The following AGBL1 variants were observed in gnomAD, a reference collection of about 807,000 sequenced individuals.
The protein encoded by AGBL1 is cytosolic carboxypeptidase 4.
A neutral mutation model predicts 118.9 loss-of-function variants in AGBL1; 130 were observed. The ratio of observed to expected loss-of-function variants is 1.09; its 90% confidence interval spans 0.95 to 1.26. AGBL1 has a LOEUF of 1.26. AGBL1 is among the 50% of genes most tolerant of loss of function. The pLI, the probability that AGBL1 is intolerant of heterozygous loss-of-function variation, is 0.00. For synonymous variants in AGBL1, 555 were observed against 478.9 expected (o/e 1.16, Z -2.08); for missense variants, 1,584 against 1,298.1 (o/e 1.22, Z -3.38).
At chr15:86,437,008 T>A (rs1436633615) in intron 18 of AGBL1, among the ~76,000 whole-genome samples, 4 of 152,136 alleles carry the variant, frequency 2.6e-5, no homozygotes, top group African/African-American at 4.8e-5. Context: ...CTTTGTTTTT[T>A]TTTTTTGCAT....
intron 22 of AGBL1, among the ~76,000 whole-genome samples, chr15:86,741,052 A>G (rs2077670456): frequency 6.6e-6 from 1 of 152,070 alleles, no homozygotes; most frequent in Non-Finnish European, 1.5e-5. Context: ...TGGCAGCTCC[A>G]GCCTCTGAAT....
chr15:86,161,437 G>T (rs923730851), intron 5 of AGBL1, among the ~76,000 whole-genome samples: 1 of 152,150 alleles, frequency 6.6e-6, no homozygotes, highest in Admixed American at 6.6e-5. Context: ...AAGAAGTTAA[G>T]TAACATGCTG....
chr15:86,258,651 G>A (rs1265872021), intron 9 of AGBL1, among the ~76,000 whole-genome samples: 2 of 152,160 alleles, frequency 1.3e-5, no homozygotes, highest in African/African-American at 4.8e-5. Context: ...CAACTTTGCT[G>A]TTGTAGCACA....
At chr15:86,143,006 A>G (rs1321514157) in intron 2 of AGBL1, among the ~76,000 whole-genome samples, 2 of 152,246 alleles carry the variant, frequency 1.3e-5, no homozygotes, top group Non-Finnish European at 2.9e-5. Flanking sequence ...TGCCCCGTAC[A>G]TAGAGAGAAT....
At chr15:86,967,661 T>C (rs1165099262) in intron 23 of AGBL1, among the ~76,000 whole-genome samples, 4 of 152,002 alleles carry the variant, frequency 2.6e-5, no homozygotes, top group East Asian at 1.9e-4. Flanking sequence ...TTTCTGAGGG[T>C]TCTATTCTGT....
rs151096348 is a variant in AGBL1, at chr15:86,312,752, T to A, written c.2374+17344T>A. Among the ~76,000 whole-genome samples, 270 of 152,266 alleles carry A rather than the reference T, an allele frequency of 1.8e-3. 1 individual carries two copies. Among genetic ancestry groups the A allele is most frequent in the Admixed American group, 3.9e-3 (60 of 15,294 alleles). On this transcript the variant is annotated intron_variant, in intron 17 of 22. Transcript: ENST00000614907. ...TAGTGATGCACATCCCGTTAGGAAG[T>A]GGCTATTCATGAAACTGACAGGGTA...
chr15:86,394,953 A>G (rs74027544), intron 17 of AGBL1, among the ~76,000 whole-genome samples: 3,840 of 152,234 alleles, frequency 0.025, 168 homozygotes, highest in African/African-American at 0.089. Context: ...CCCTTCAAAA[A>G]TCAGGGTCCT....
At chr15:86,545,933 G>T in intron 19 of AGBL1, 69 bp from the exon 20 acceptor site, 6 of 1,541,786 alleles carry the variant, frequency 3.9e-6, no homozygotes, top group Non-Finnish European at 4.4e-6. Flanking sequence ...GAGTAGATAC[G>T]ATTTAAGTGG....
rs1183250198 is a variant in AGBL1, at chr15:86,159,020, C to T, written c.482C>T (p.Ala161Val). ...ITPYTRKRTQ[A>V]IRAATEVLAA... ...CCTTACACCCGAAAGCGCACCCAAG[C>T]AATCAGGTACAGAGTGCCATGTAAT... is the stretch of plus-strand genomic sequence containing the variant. Residue 161 changes from alanine (A) to valine (V), a missense_variant, in exon 5 of 23, where the codon GCA becomes GTA. Ala to Val is a moderately conservative substitution (Grantham distance 64). Transcript: ENST00000614907. 1.9e-6 allele frequency: 3 copies of T among 1,612,962 alleles called. No homozygotes were observed. The Admixed American group carries it at 5.0e-5, about 27-fold the overall frequency.
At chr15:86,610,286 G>C (rs1440515558) in intron 21 of AGBL1, among the ~76,000 whole-genome samples, 1 of 131,944 alleles carries the variant, frequency 7.6e-6, no homozygotes, top group Non-Finnish European at 1.8e-5. Context: ...CAACACAGCA[G>C]ACTGAGAAAG....
chr15:86,219,874 A>G (rs772298649), intron 5 of AGBL1, among the ~76,000 whole-genome samples: 1 of 151,658 alleles, frequency 6.6e-6, no homozygotes, highest in Non-Finnish European at 1.5e-5. Flanking sequence ...ATTATGTTAA[A>G]AGTAGAGAGA....
At chr15:86,995,402 A>G (rs898910158) in intron 24 of AGBL1, among the ~76,000 whole-genome samples, 5 of 152,098 alleles carry the variant, frequency 3.3e-5, no homozygotes, top group Non-Finnish European at 7.4e-5. Flanking sequence ...AAATAAGTAA[A>G]TAAACAAACA....
intron 18 of AGBL1, among the ~76,000 whole-genome samples, chr15:86,397,752 T>C (rs555480664): frequency 2.0e-5 from 3 of 152,300 alleles, no homozygotes; most frequent in East Asian, 1.9e-4. Context: ...AGGTATAGAA[T>C]TGACGCCTAG....
At chr15:86,967,818 T>C (rs942762296) in intron 23 of AGBL1, among the ~76,000 whole-genome samples, 36 of 152,132 alleles carry the variant, frequency 2.4e-4, no homozygotes, top group African/African-American at 8.7e-4. Context: ...GGCTCTTTTT[T>C]TGTTCCATAT....
chr15:86,550,238 C>T (rs1454512921), intron 20 of AGBL1, among the ~76,000 whole-genome samples: 1 of 151,912 alleles, frequency 6.6e-6, no homozygotes, highest in Admixed American at 6.6e-5. Flanking sequence ...ATATATGAGA[C>T]ATATAGAATC....
chr15:86,850,095 C>A (rs950492924), intron 22 of AGBL1, among the ~76,000 whole-genome samples: 10 of 152,150 alleles, frequency 6.6e-5, no homozygotes, highest in Non-Finnish European at 8.8e-5. Context: ...TCAACCCAAT[C>A]GCATTCAATG....
At chr15:86,819,261 T>C (rs28451906) in intron 22 of AGBL1, among the ~76,000 whole-genome samples, 2,968 of 152,116 alleles carry the variant, frequency 0.02, 94 homozygotes, top group African/African-American at 0.067. Context: ...GTAGTAGTAC[T>C]AATAGTAGGA....
At chr15:86,674,244 C>T (rs536524533) in intron 21 of AGBL1, 29 bp from the exon 22 acceptor site, 5 of 1,585,642 alleles carry the variant, frequency 3.2e-6, no homozygotes, top group South Asian at 1.1e-5. Flanking sequence ...TTATACGTTG[C>T]CACAGTTAAT....
chr15:86,733,623 A>T (rs1295405678), intron 22 of AGBL1, among the ~76,000 whole-genome samples: 1 of 152,184 alleles, frequency 6.6e-6, no homozygotes, highest in Non-Finnish European at 1.5e-5. Flanking sequence ...GTATTTAAAT[A>T]TCACTAACAT....
Sources: gnomAD v4.1 joint callset for allele counts (sites outside exome capture counted in the v4.1 genomes callset) on GRCh38, gnomAD v4.1.1 for gene constraint, MANE v1.5 for transcripts, NCBI Gene and HGNC (gene_info 2026-07-23, HGNC 2026-07-21) for gene names.